The following TRAPPC9 variants were observed in gnomAD, a reference collection of about 807,000 sequenced individuals.
TRAPPC9 encodes IKK2 binding protein.
TRAPPC9 carries 83 observed loss-of-function variants against 124.0 expected under a neutral mutation model. The ratio of observed to expected loss-of-function variants is 0.67; its 90% CI spans 0.56 to 0.80. The LOEUF (loss-of-function observed/expected upper bound fraction) is 0.80. Ranked by LOEUF, TRAPPC9 falls within the 30% of genes least tolerant of loss-of-function variation. The pLI, the probability that TRAPPC9 is intolerant of heterozygous loss-of-function variation, is 0.00. For missense variants in TRAPPC9, 1,302 were observed against 1,508.3 expected, an observed-to-expected ratio of 0.86 and a Z score of 2.27; for synonymous variants, 638 against 617.5, an observed-to-expected ratio of 1.03 and a Z score of -0.49.
chr8:140,024,133 T>C lies in TRAPPC9; in HGVS notation c.2557-54A>G, dbSNP rs1330317240. 3.7e-6 allele frequency: 6 copies of C among 1,601,754 alleles called. No individual in the cohort carries two copies. In the African/African-American group the frequency reaches 8.0e-5, roughly 21 times the overall value. On this transcript the variant is annotated intron_variant, in intron 17 of 22. Coordinates refer to ENST00000438773, the MANE Select transcript of TRAPPC9 (RefSeq NM_001160372.4). ...ACACACACATTAGTAACTCTCTAGT[T>C]TGATCCACCAGGAGGCAAGCGGCTT...
intron 19 of TRAPPC9, among the ~76,000 whole-genome samples, chr8:139,974,919 C>T (rs1428918782): frequency 6.6e-6 from 1 of 152,106 alleles, no homozygotes; most frequent in East Asian, 1.9e-4. Flanking sequence ...CCTCCACAGG[C>T]CATCCCTGGG....
At chr8:139,909,582 C>T (rs1164218377) in intron 20 of TRAPPC9, among the ~76,000 whole-genome samples, 1 of 152,220 alleles carries the variant, frequency 6.6e-6, no homozygotes, top group Admixed American at 6.5e-5. Context: ...AATGAGGGAA[C>T]CTGGGCTTCT....
intron 12 of TRAPPC9, among the ~76,000 whole-genome samples, chr8:140,288,659 A>G (rs1020442996): frequency 6.6e-6 from 1 of 152,232 alleles, no homozygotes; most frequent in African/African-American, 2.4e-5. Flanking sequence ...GGAATCTACA[A>G]TGAAACTTGA....
At chr8:140,288,291 A>ACAC (rs1588099198) in intron 12 of TRAPPC9, among the ~76,000 whole-genome samples, 2 of 152,240 alleles carry the variant, frequency 1.3e-5, no homozygotes, top group African/African-American at 4.8e-5. Flanking sequence ...TGCAATGATC[A>ACAC]CACCACTGCA....
At chr8:139,916,147 T>A (rs1400800762) in intron 19 of TRAPPC9, among the ~76,000 whole-genome samples, 1 of 152,190 alleles carries the variant, frequency 6.6e-6, no homozygotes, top group Non-Finnish European at 1.5e-5. Context: ...TCCCACTACA[T>A]AAACCCCTCA....
chr8:140,382,885 G>C (rs1166021016), intron 7 of TRAPPC9, among the ~76,000 whole-genome samples: 1 of 152,224 alleles, frequency 6.6e-6, no homozygotes, highest in East Asian at 1.9e-4. Context: ...TGACCCCCAA[G>C]TAGCCTAACT....
intron 21 of TRAPPC9, among the ~76,000 whole-genome samples, chr8:139,804,179 CCACCACCGCCACCAAG>C (rs1197219572): frequency 1.4e-5 from 2 of 140,528 alleles, no homozygotes; most frequent in African/African-American, 5.2e-5. Context: ...CCACCACCAC[CCACCACCGCCACCAAG>C]CACCACCGCC....
intron 17 of TRAPPC9, among the ~76,000 whole-genome samples, chr8:140,112,920 A>C (rs2060810256): frequency 6.7e-6 from 1 of 150,154 alleles, no homozygotes; most frequent in African/African-American, 2.5e-5. Context: ...AGGTCACTGC[A>C]ACCTCCGCCT....
chr8:140,287,133 G>A (rs2065506894), intron 13 of TRAPPC9, among the ~76,000 whole-genome samples: 1 of 152,170 alleles, frequency 6.6e-6, no homozygotes, highest in South Asian at 2.1e-4. Context: ...GACTCAAAGG[G>A]CACTGAGGAG....
At position 139,886,803 on chromosome 8, in the gene TRAPPC9, C is replaced by T. The variant is rs768371870; in HGVS notation, c.2965-834G>A. On this transcript the variant is annotated intron_variant, in intron 20 of 22. Transcript: ENST00000438773. ...TTGAGGATGAAGGAAGGGTGGGCCA[C>T]GCACCCTGAAGCTGAGAGGTTCCCA... Among the ~76,000 whole-genome samples the T allele has an allele frequency of 2.6e-4, 39 of 152,286 alleles. No individual in the cohort carries two copies. The Middle Eastern group carries it at 0.02, about 80-fold the overall frequency.
intron 17 of TRAPPC9, among the ~76,000 whole-genome samples, chr8:140,176,978 C>T (rs1432327810): frequency 6.6e-6 from 1 of 152,100 alleles, no homozygotes; most frequent in Admixed American, 6.6e-5. Context: ...AAATCATTTG[C>T]CTATTTTTAA....
At chr8:140,458,358 T>C (rs1477174673), upstream of TRAPPC9, 15 of 1,590,094 alleles carry the variant, frequency 9.4e-6, no homozygotes, top group Non-Finnish European at 1.3e-5. Context: ...AAGCCCACTG[T>C]GGATCCCTGC....
At chr8:139,787,703 A>G (rs1025334637) in intron 21 of TRAPPC9, among the ~76,000 whole-genome samples, 2 of 152,198 alleles carry the variant, frequency 1.3e-5, no homozygotes, top group African/African-American at 4.8e-5. Flanking sequence ...AGCTAACACC[A>G]CTGTTTTTCA....
At chr8:139,961,670 A>G (rs963850880) in intron 19 of TRAPPC9, among the ~76,000 whole-genome samples, 97,432 of 121,202 alleles carry the variant, frequency 0.8, 44,169 homozygotes, top group East Asian at 0.98. Context: ...CCCTCCCCTC[A>G]TCCCTGCAGG....
At chr8:140,264,336 TC>T (rs2131571281) in intron 15 of TRAPPC9, among the ~76,000 whole-genome samples, 1 of 152,178 alleles carries the variant, frequency 6.6e-6, no homozygotes, top group South Asian at 2.1e-4. Flanking sequence ...TCCCAGGTGC[TC>T]CCCATGGCCT....
intron 17 of TRAPPC9, among the ~76,000 whole-genome samples, chr8:140,204,296 A>G (rs940225315): frequency 1.3e-5 from 2 of 152,136 alleles, no homozygotes; most frequent in Non-Finnish European, 2.9e-5. Context: ...TGCAGCCATA[A>G]AAAAGGATGA....
rs1038009628 is a variant in TRAPPC9, at chr8:139,776,307, C to T, written c.3056-44105G>A. Reference sequence around the variant, plus strand: ...CCACTCCAGGCAAAGCCAACAGGCCCAAACAGGGGACGTCAGCTGCTATGT... The same window carrying T: ...CCACTCCAGGCAAAGCCAACAGGCCTAAACAGGGGACGTCAGCTGCTATGT... On this transcript the variant is annotated intron_variant, in intron 21 of 22. Transcript: ENST00000438773. The surrounding 1 kb of genome is among the most constrained non-coding windows in gnomAD (Gnocchi z 4.1). Among the ~76,000 whole-genome samples the T allele has an allele frequency of 3.9e-5, 6 of 152,204 alleles. No individual in the cohort carries two copies. Among genetic ancestry groups the T allele is most frequent in the African/African-American group, 1.4e-4 (6 of 41,446 alleles).
chr8:139,962,958 G>A (rs1835433100), intron 19 of TRAPPC9, among the ~76,000 whole-genome samples: 1 of 152,208 alleles, frequency 6.6e-6, no homozygotes, highest in Non-Finnish European at 1.5e-5. Context: ...CAGGCATACA[G>A]CTTACTCCTC....
chr8:140,106,941 G>C lies in TRAPPC9; in HGVS notation c.2557-82862C>G, dbSNP rs565910388. On this transcript the variant is annotated intron_variant, in intron 17 of 22. Transcript: ENST00000438773. ...ACAGTCTTAATAAACATTTGCAAACGTTTACATTTCAGTGGTGCCTCTGTT... is the reference window on the plus strand; with the variant it reads ...ACAGTCTTAATAAACATTTGCAAACCTTTACATTTCAGTGGTGCCTCTGTT... Among the ~76,000 whole-genome samples, 100 of 152,242 alleles carry C rather than the reference G, an allele frequency of 6.6e-4. No homozygotes were observed. The South Asian group carries it at 0.02, about 31-fold the overall frequency.
Sources: gnomAD v4.1 joint callset for allele counts (sites outside exome capture counted in the v4.1 genomes callset) on GRCh38, gnomAD v4.1.1 for gene constraint, Gnocchi (gnomAD v3.1) non-coding constraint, MANE v1.5 for transcripts, NCBI Gene and HGNC (gene_info 2026-07-23, HGNC 2026-07-21) for gene names.